TIGD1: variants seen among roughly 807,000 people sequenced by gnomAD.
TIGD1 encodes tigger transposable element-derived protein 1.
A neutral mutation model predicts 21.3 loss-of-function variants in TIGD1; 20 were observed. That is an observed-to-expected ratio of 0.94 (90% CI 0.66 to 1.36). The LOEUF is 1.36. Among genes scored for constraint, TIGD1 ranks in the 40% most tolerant of loss-of-function variants. TIGD1 has a pLI of 0.00. For synonymous variants in TIGD1, 177 were observed against 123.2 expected, an observed-to-expected ratio of 1.44 and a Z score of -2.89; for missense variants, 556 against 350.5, an observed-to-expected ratio of 1.59 and a Z score of -4.68.
In TIGD1 at chr2:232,550,510, C is replaced by G. The variant is rs1217895110; in HGVS notation, c.-628G>C. On this transcript the variant is annotated 5_prime_UTR_variant, in exon 1 of 1. Coordinates refer to ENST00000408957, the MANE Select transcript of TIGD1 (RefSeq NM_145702.4). ...CGGGTCACAAGGACCTGGACAGAGG[C>G]AGAACTGAGGCCAGCAGCCAGCTCC... is the stretch of plus-strand genomic sequence containing the variant. 1.6e-6 allele frequency: 1 copy of G among 613,884 alleles called. No individual in the cohort carries two copies. The highest frequency in any genetic ancestry group is 2.0e-5 in the African/African-American group (1 of 50,504). 38.0% of individuals were successfully genotyped at this position (613,884 alleles called of 1,614,324 possible). A position where few individuals can be genotyped will look rare whatever the true frequency, so the allele number is the denominator to read the frequency against.
chr2:232,544,592 C>A lies in TIGD1; in HGVS notation c.*3515G>T. 6.2e-7 allele frequency: 1 copy of A among 1,608,828 alleles called. No homozygotes were observed. Among genetic ancestry groups the A allele is most frequent in the Non-Finnish European group, 8.5e-7 (1 of 1,176,198 alleles). ...GCTGGAGAAGCTAGGTGAGACACAC[C>A]AGGTGTGCCTGGGGACAGTCCTCCC... On this transcript the variant is annotated 3_prime_UTR_variant, in exon 1 of 1. Coordinates refer to ENST00000408957, the MANE Select transcript of TIGD1 (RefSeq NM_145702.4).
rs1282388075 is a variant in TIGD1, at chr2:232,550,052, T to C, written c.-170A>G. 2.1e-6 allele frequency: 1 copy of C among 484,968 alleles called. No homozygotes were observed. Among genetic ancestry groups the C allele is most frequent in the Admixed American group, 4.1e-5 (1 of 24,228 alleles). The allele number at this position is 484,968 out of a possible 1,614,324, so 30.0% of individuals were successfully genotyped here. A position where few individuals can be genotyped will look rare whatever the true frequency, so the allele number is the denominator to read the frequency against. On this transcript the variant is annotated 5_prime_UTR_variant, in exon 1 of 1. Transcript: ENST00000408957. The stretch of plus-strand genomic sequence containing the variant: ...CGCTGTATGTGGCACCCCAAAACAA[T>C]GACAATAGCAACATCAAAGATCACT...
rs1559305431 is a variant in TIGD1 at position 232,544,997 on chromosome 2, T to C, written c.*3110A>G. ...GAGTGGGGTTGCCAAGATAGGGCAGTGGGATGGAAAAACATGAGGCCGGGT... is the reference window on the plus strand; with the variant it reads ...GAGTGGGGTTGCCAAGATAGGGCAGCGGGATGGAAAAACATGAGGCCGGGT... On this transcript the variant is annotated 3_prime_UTR_variant, in exon 1 of 1. Transcript: ENST00000408957. 31 of 1,530,634 alleles carry C rather than the reference T, an allele frequency of 2.0e-5. No individual in the cohort carries two copies. Among genetic ancestry groups the C allele is most frequent in the Middle Eastern group, 2.0e-4 (1 of 5,010 alleles). 94.8% of individuals were successfully genotyped at this position (1,530,634 alleles called of 1,614,324 possible).
chr2:232,549,080 G>A lies in TIGD1; in HGVS notation c.803C>T (p.Thr268Ile), dbSNP rs1267459578. Residue 268 changes from threonine (T) to isoleucine (I), a missense_variant, in exon 1 of 1, where the codon ACA (threonine) becomes ATA (isoleucine). Physicochemically the swap from Thr to Ile is moderately conservative, Grantham distance 89. Transcript: ENST00000408957. ...LYKWNSKARM[T>I]AHLFTAWFTE... The stretch of plus-strand genomic sequence containing the variant: ...AAACCACGCTGTAAACAGATGTGCT[G>A]TCATCCGGGCTTTGCTGTTCCATTT... 1 of 715,636 alleles carries A rather than the reference G, an allele frequency of 1.4e-6. No homozygotes were observed. The highest frequency in any genetic ancestry group is 1.5e-5 in the South Asian group (1 of 67,214). The allele number at this position is 715,636 out of a possible 1,614,324, so 44.3% of individuals were successfully genotyped here.
chr2:232,550,483 G>C lies in TIGD1; in HGVS notation c.-601C>G, dbSNP rs1203328852. ...CAGGACACGCTCCCTTAGGAGAGCG[G>C]GCGGGTCACAAGGACCTGGACAGAG... On this transcript the variant is annotated 5_prime_UTR_variant, in exon 1 of 1. Transcript: ENST00000408957. The C allele has an allele frequency of 1.8e-6, 1 of 553,696 alleles. No individual in the cohort carries two copies. The highest frequency in any genetic ancestry group is 3.9e-5 in the Admixed American group (1 of 25,572). The allele number at this position is 553,696 out of a possible 1,614,324, so 34.3% of individuals were successfully genotyped here.
rs1051440400 is a variant in TIGD1 at position 232,544,018 on chromosome 2, C to T, written c.*4089G>A. 6.6e-6 allele frequency among the ~76,000 whole-genome samples: 1 copy of T among 152,232 alleles called. No homozygotes were observed. The highest frequency in any genetic ancestry group is 1.5e-5 in the Non-Finnish European group (1 of 68,038). On this transcript the variant is annotated 3_prime_UTR_variant, in exon 1 of 1. Transcript: ENST00000408957. ...ACAAAGTCGAAAAAGCAGGAGTCTG[C>T]CAGGGCAGTCTGATTCCAGTCTGTG...
rs761521738 is a variant in TIGD1 at position 232,547,975 on chromosome 2, T to C, written c.*132A>G. The C allele has an allele frequency of 2.0e-5, 9 of 443,710 alleles. No homozygotes were observed. The highest frequency in any genetic ancestry group is 6.1e-5 in the African/African-American group (3 of 49,070). 27.5% of individuals were successfully genotyped at this position (443,710 alleles called of 1,614,324 possible). ...AAGAAAGCAAGTCACATGAATGTTT[T>C]TGGTTTCCCAATGCATATAAAAGTT... is the stretch of plus-strand genomic sequence containing the variant. On this transcript the variant is annotated 3_prime_UTR_variant, in exon 1 of 1. Coordinates refer to ENST00000408957, the MANE Select transcript of TIGD1 (RefSeq NM_145702.4).
Position 232,547,683 on chromosome 2 carries a change from C to T in TIGD1, c.*424G>A, listed in dbSNP as rs1692156697. On this transcript the variant is annotated 3_prime_UTR_variant, in exon 1 of 1. Transcript: ENST00000408957. ...AGGAGTTAGGGAGAGTGGGGGAGAA[C>T]TTCAATCAGGGAGGGAATCTGATGA... 6.6e-6 allele frequency among the ~76,000 whole-genome samples: 1 copy of T among 152,178 alleles called. No individual in the cohort carries two copies. Among genetic ancestry groups the T allele is most frequent in the Non-Finnish European group, 1.5e-5 (1 of 68,032 alleles).
chr2:232,545,762 A>T lies in TIGD1; in HGVS notation c.*2345T>A. On this transcript the variant is annotated 3_prime_UTR_variant, in exon 1 of 1. Transcript: ENST00000408957. ...CATGTGGGAGTCACACACGTGGGTC[A>T]CACTGAGTCTTATCAGCCACGTTCT... The T allele has an allele frequency of 1.9e-6, 3 of 1,599,834 alleles. No individual in the cohort carries two copies. The highest frequency in any genetic ancestry group is 2.6e-6 in the Non-Finnish European group (3 of 1,167,730).
Position 232,544,367 on chromosome 2 carries a change from G to T in TIGD1, c.*3740C>A, listed in dbSNP as rs775309134. On this transcript the variant is annotated 3_prime_UTR_variant, in exon 1 of 1. Coordinates refer to ENST00000408957, the MANE Select transcript of TIGD1 (RefSeq NM_145702.4). The stretch of plus-strand genomic sequence containing the variant: ...CCTAGTGAAGCCACCCCCTCTCTAG[G>T]TGTTCCTGAGGCTCTTGCCCCAGCT... The T allele has an allele frequency of 1.4e-5, 22 of 1,612,662 alleles. No individual in the cohort carries two copies. The highest frequency in any genetic ancestry group is 3.4e-6 in the Non-Finnish European group (4 of 1,179,662).
At position 232,544,200 on chromosome 2, in the gene TIGD1, G is replaced by A. The variant is rs1465727989; in HGVS notation, c.*3907C>T. On this transcript the variant is annotated 3_prime_UTR_variant, in exon 1 of 1. Transcript: ENST00000408957. Reference sequence around the variant, plus strand: ...CCTGGTGATTCTGATGTGCACTGAAGTTTGGGGACCCAGGCTCGTGTCCAG... The same window carrying A: ...CCTGGTGATTCTGATGTGCACTGAAATTTGGGGACCCAGGCTCGTGTCCAG... 6.6e-6 allele frequency among the ~76,000 whole-genome samples: 1 copy of A among 152,228 alleles called. No individual in the cohort carries two copies. The highest frequency in any genetic ancestry group is 1.9e-4 in the East Asian group (1 of 5,186).
In TIGD1 at chr2:232,547,658, A is replaced by C. The variant is rs1208325730; in HGVS notation, c.*449T>G. On this transcript the variant is annotated 3_prime_UTR_variant, in exon 1 of 1. Transcript: ENST00000408957. ...CAGAGTCAGAGCTATAGAGAACTAG[A>C]GGAGTTAGGGAGAGTGGGGGAGAAC... Among the ~76,000 whole-genome samples, 1 of 152,166 alleles carries C rather than the reference A, an allele frequency of 6.6e-6. No homozygotes were observed. The highest frequency in any genetic ancestry group is 1.5e-5 in the Non-Finnish European group (1 of 68,022).
Position 232,544,610 on chromosome 2 carries a change from GTCC to G in TIGD1, c.*3494_*3496del. The G allele has an allele frequency of 2.5e-6, 4 of 1,590,994 alleles. No individual in the cohort carries two copies. Among genetic ancestry groups the G allele is most frequent in the Non-Finnish European group, 3.4e-6 (4 of 1,160,446 alleles). On this transcript the variant is annotated 3_prime_UTR_variant, in exon 1 of 1. Transcript: ENST00000408957. ...GACACACCAGGTGTGCCTGGGGACAGTCCTCCCCTGGGACCCCAGCTGGGGAGC... is the reference window on the plus strand; with the variant it reads ...GACACACCAGGTGTGCCTGGGGACAGTCCCCTGGGACCCCAGCTGGGGAGC...
rs1178875084 is a variant in TIGD1 at position 232,550,522 on chromosome 2, C to CA, written c.-641dup. The CA allele has an allele frequency of 6.2e-6, 4 of 643,642 alleles. No homozygotes were observed. In the South Asian group the frequency reaches 7.7e-5, roughly 12 times the overall value. 39.9% of individuals were successfully genotyped at this position (643,642 alleles called of 1,614,324 possible). On this transcript the variant is annotated 5_prime_UTR_variant, in exon 1 of 1. Coordinates refer to ENST00000408957, the MANE Select transcript of TIGD1 (RefSeq NM_145702.4). ...ACCTGGACAGAGGCAGAACTGAGGCCAGCAGCCAGCTCCGCCGCTGAGTCC... is the reference window on the plus strand; with the variant it reads ...ACCTGGACAGAGGCAGAACTGAGGCCAAGCAGCCAGCTCCGCCGCTGAGTCC...
Position 232,547,713 on chromosome 2 carries a change from G to A in TIGD1, c.*394C>T, listed in dbSNP as rs1692157053. ...ATCAGGGAGGGAATCTGATGACAGT[G>A]GGGCCATTTCCGGTTCCCACCAGCC... On this transcript the variant is annotated 3_prime_UTR_variant, in exon 1 of 1. Coordinates refer to ENST00000408957, the MANE Select transcript of TIGD1 (RefSeq NM_145702.4). 6.6e-6 allele frequency among the ~76,000 whole-genome samples: 1 copy of A among 152,210 alleles called. No homozygotes were observed. The highest frequency in any genetic ancestry group is 2.4e-5 in the African/African-American group (1 of 41,454).
At position 232,544,998 on chromosome 2, in the gene TIGD1, G is replaced by A; in HGVS notation, c.*3109C>T. 2 of 1,528,808 alleles carry A rather than the reference G, an allele frequency of 1.3e-6. No individual in the cohort carries two copies. Among genetic ancestry groups the A allele is most frequent in the South Asian group, 2.3e-5 (2 of 86,974 alleles). 94.7% of individuals were successfully genotyped at this position (1,528,808 alleles called of 1,614,324 possible). ...AGTGGGGTTGCCAAGATAGGGCAGT[G>A]GGATGGAAAAACATGAGGCCGGGTG... On this transcript the variant is annotated 3_prime_UTR_variant, in exon 1 of 1. Coordinates refer to ENST00000408957, the MANE Select transcript of TIGD1 (RefSeq NM_145702.4).
Position 232,549,736 on chromosome 2 carries a change from T to C in TIGD1, c.147A>G (p.Gln49=), listed in dbSNP as rs572079271. ...AGAACTTTTCCTTTGCATTTACAAC[T>C]TGGCTAACTGTTTGCCGCAGGAGGC... ...RLGLLRQTVS[Q]VVNAKEKFLK... is the part of the protein sequence containing the mutation. Residue 49 remains glutamine (Q), a synonymous_variant, in exon 1 of 1, where the codon CAA becomes CAG. Transcript: ENST00000408957. 1.7e-5 allele frequency: 19 copies of C among 1,124,474 alleles called. No homozygotes were observed. The East Asian group carries it at 4.9e-4, about 29-fold the overall frequency. The allele number at this position is 1,124,474 out of a possible 1,614,324, so 69.7% of individuals were successfully genotyped here.
At position 232,549,120 on chromosome 2, in the gene TIGD1, G is replaced by A. The variant is rs1347192171; in HGVS notation, c.763C>T (p.Leu255=). ...RALKNYTKST[L]PVLYKWNSKA... Reference sequence around the variant, plus strand: ...CTGTTCCATTTATATAGCACGGGTAGAGTAGATTTAGTATAATTCTTAAGG... The same window carrying A: ...CTGTTCCATTTATATAGCACGGGTAAAGTAGATTTAGTATAATTCTTAAGG... Residue 255 remains leucine, a synonymous_variant, in exon 1 of 1, where the codon CTA becomes TTA. Coordinates refer to ENST00000408957, the MANE Select transcript of TIGD1 (RefSeq NM_145702.4). 2.8e-6 allele frequency: 2 copies of A among 715,982 alleles called. No individual in the cohort carries two copies. The highest frequency in any genetic ancestry group is 1.7e-5 in the African/African-American group (1 of 57,190). 44.4% of individuals were successfully genotyped at this position (715,982 alleles called of 1,614,324 possible). A position where few individuals can be genotyped will look rare whatever the true frequency, so the allele number is the denominator to read the frequency against.
At position 232,544,853 on chromosome 2, in the gene TIGD1, C is replaced by A. The variant is rs1692094926; in HGVS notation, c.*3254G>T. On this transcript the variant is annotated 3_prime_UTR_variant, in exon 1 of 1. Transcript: ENST00000408957. ...CCAGCCATCCAGGCCTGTGTGGAAGCCTGCAACCTCATTGCCTGTGCCCGG... is the reference window on the plus strand; with the variant it reads ...CCAGCCATCCAGGCCTGTGTGGAAGACTGCAACCTCATTGCCTGTGCCCGG... 6.2e-7 allele frequency: 1 copy of A among 1,614,002 alleles called. No homozygotes were observed. The highest frequency in any genetic ancestry group is 1.6e-4 in the Middle Eastern group (1 of 6,062).
Sources: allele counts gnomAD v4.1 joint callset (sites outside exome capture counted in the v4.1 genomes callset), GRCh38; gene constraint gnomAD v4.1.1; transcripts MANE v1.5; gene names NCBI Gene and HGNC (gene_info 2026-07-23, HGNC 2026-07-21).